Variants in FBN1 observed in about 807,000 individuals in gnomAD.
The protein encoded by FBN1 is fibrillin 1.
Under a neutral mutation model 365.1 loss-of-function variants are expected in FBN1, and 29 were observed. The observed-to-expected ratio is 0.08, with a 90% CI of 0.06 to 0.11. The LOEUF is 0.11. FBN1 is among the 10% of genes least tolerant of loss of function. The probability of loss-of-function intolerance (pLI) is 1.00; values close to 1 mark genes in which losing one functional copy is unlikely to be tolerated. For synonymous variants in FBN1, 1,210 were observed against 1,270.5 expected (o/e 0.95, Z 1.01); for missense variants, 2,476 against 3,703.2 (o/e 0.67, Z 8.60).
chr15:48,506,034 C>T (rs1212809042), intron 15 of FBN1, among the ~76,000 whole-genome samples: 1 of 152,056 alleles, frequency 6.6e-6, no homozygotes, highest in Non-Finnish European at 1.5e-5. Flanking sequence ...ATCAGCCTGG[C>T]CAACATGGGG....
At chr15:48,492,825 A>AGAGAC (rs1315110992) in intron 23 of FBN1, among the ~76,000 whole-genome samples, 1 of 152,190 alleles carries the variant, frequency 6.6e-6, no homozygotes, top group African/African-American at 2.4e-5. Context: ...TTTGAGTTGT[A>AGAGAC]GAGACAGGCA....
intron 36 of FBN1, among the ~76,000 whole-genome samples, chr15:48,469,624 G>T (rs975034302): frequency 1.3e-5 from 2 of 152,050 alleles, no homozygotes; most frequent in African/African-American, 4.8e-5. Flanking sequence ...CTTGGATCTG[G>T]CAACCCTCCT....
At chr15:48,456,813 T>C (rs1336078050) in intron 43 of FBN1, 51 bp from the exon 44 acceptor site, 1 of 1,575,518 alleles carries the variant, frequency 6.3e-7, no homozygotes, top group Admixed American at 1.7e-5. Flanking sequence ...ATGATCCCTG[T>C]GCAGGGTAAG....
intron 20 of FBN1, 24 bp downstream of exon 20, chr15:48,496,076 T>C (rs2043605934): frequency 6.2e-7 from 1 of 1,613,482 alleles, no homozygotes; most frequent in Non-Finnish European, 8.5e-7. Context: ...AAGTACACAG[T>C]ATAAGAACAA....
intron 6 of FBN1, among the ~76,000 whole-genome samples, chr15:48,592,602 G>A (rs1478217726): frequency 6.6e-6 from 1 of 152,090 alleles, no homozygotes; most frequent in Non-Finnish European, 1.5e-5. Flanking sequence ...CAAAGAGAAG[G>A]CAAAGGGTCG....
intron 6 of FBN1, among the ~76,000 whole-genome samples, chr15:48,540,849 C>T (rs1029443501): frequency 1.3e-5 from 2 of 152,058 alleles, no homozygotes; most frequent in East Asian, 1.9e-4. Flanking sequence ...AAAAGCATAA[C>T]GCAACATGAA....
chr15:48,478,687 C>G (rs12591552), intron 32 of FBN1, among the ~76,000 whole-genome samples: 30,493 of 152,016 alleles, frequency 0.2, 3,404 homozygotes, highest in East Asian at 0.36. Flanking sequence ...GCGTTTCAAG[C>G]AAATGTGTTC....
intron 5 of FBN1, among the ~76,000 whole-genome samples, chr15:48,596,626 T>TC (rs2044518198): frequency 6.6e-6 from 1 of 152,254 alleles, no homozygotes; most frequent in Non-Finnish European, 1.5e-5. Context: ...ATCTGAGCAA[T>TC]GCTTTCAGTT....
At position 48,486,866 on chromosome 15, in the gene FBN1, G is replaced by A. The variant is rs1401525609; in HGVS notation, c.3589+209C>T. ...TAACTGGCTCTTTAAACAGATAATG[G>A]AGATGAGATCCAAAGATCGTGAGCC... On this transcript the variant is annotated intron_variant, in intron 29 of 65. Transcript: ENST00000316623. Among the ~76,000 whole-genome samples the A allele has an allele frequency of 2.0e-5, 3 of 152,224 alleles. No individual in the cohort carries two copies. The East Asian group carries it at 5.8e-4, about 29-fold the overall frequency.
chr15:48,481,391 C>T (rs1429444003), intron 32 of FBN1, among the ~76,000 whole-genome samples: 1 of 152,014 alleles, frequency 6.6e-6, no homozygotes, highest in Non-Finnish European at 1.5e-5. Flanking sequence ...GATTTTTAAC[C>T]TCATAAAAAT....
At position 48,481,588 on chromosome 15, in the gene FBN1, A is replaced by G. The variant is rs371274267; in HGVS notation, c.3964+67T>C. On this transcript the variant is annotated intron_variant, in intron 32 of 65. Coordinates refer to ENST00000316623, the MANE Select transcript of FBN1 (RefSeq NM_000138.5). ...ATGTATGAGTTTTAAAACATGTATC[A>G]ATCTATAATTATGATACCAATCTCT... 71 of 1,499,154 alleles carry G rather than the reference A, an allele frequency of 4.7e-5. No homozygotes were observed. The African/African-American group carries it at 9.1e-4, about 19-fold the overall frequency. The allele number at this position is 1,499,154 out of a possible 1,614,324, so 92.9% of individuals were successfully genotyped here. A position where few individuals can be genotyped will look rare whatever the true frequency, so the allele number is the denominator to read the frequency against.
intron 18 of FBN1, among the ~76,000 whole-genome samples, chr15:48,497,744 C>A (rs1009639920): frequency 6.6e-6 from 1 of 152,170 alleles, no homozygotes; most frequent in African/African-American, 2.4e-5. Context: ...TCCCTACCAC[C>A]AGCCCCTCTT....
At chr15:48,432,521 T>A (rs78129988) in intron 55 of FBN1, among the ~76,000 whole-genome samples, 2,635 of 152,338 alleles carry the variant, frequency 0.017, 59 homozygotes, top group African/African-American at 0.053. Flanking sequence ...CACTGTATTA[T>A]GAGAACGTAT....
intron 2 of FBN1, among the ~76,000 whole-genome samples, chr15:48,623,025 G>T (rs1489307176): frequency 6.6e-6 from 1 of 152,100 alleles, no homozygotes; most frequent in African/African-American, 2.4e-5. Context: ...TATATGTCTA[G>T]ATCTCATCCC....
intron 12 of FBN1, among the ~76,000 whole-genome samples, chr15:48,514,875 C>T (rs1277125653): frequency 1.3e-5 from 2 of 152,074 alleles, no homozygotes; most frequent in East Asian, 1.9e-4. Context: ...TGTCTTAATT[C>T]CCAGAACCTA....
chr15:48,612,696 T>TA (rs1288090278), intron 3 of FBN1, among the ~76,000 whole-genome samples: 4 of 152,076 alleles, frequency 2.6e-5, no homozygotes, highest in Admixed American at 6.5e-5. Context: ...AAGTTAGAAA[T>TA]TACAATAAGA....
chr15:48,428,266 AT>A, intron 57 of FBN1, 79 bp downstream of exon 57: 1 of 1,543,104 alleles, frequency 6.5e-7, no homozygotes, highest in South Asian at 1.1e-5. Context: ...ATTTTCTTGT[AT>A]TTTAAATAAG....
intron 63 of FBN1, among the ~76,000 whole-genome samples, chr15:48,418,847 G>A (rs2042919606): frequency 6.6e-6 from 1 of 152,298 alleles, no homozygotes; most frequent in Non-Finnish European, 1.5e-5. Flanking sequence ...TGTTAGCTGT[G>A]GCCTTAAGGG....
chr15:48,609,898 G>A (rs2044643811), intron 4 of FBN1, among the ~76,000 whole-genome samples: 1 of 152,178 alleles, frequency 6.6e-6, no homozygotes, highest in Non-Finnish European at 1.5e-5. Context: ...TTGACACAGT[G>A]AAGTCTCTAC....
Sources: allele counts gnomAD v4.1 joint callset (sites outside exome capture counted in the v4.1 genomes callset), GRCh38; gene constraint gnomAD v4.1.1; transcripts MANE v1.5; gene names NCBI Gene and HGNC (gene_info 2026-07-23, HGNC 2026-07-21).